TMEM165: variants seen among roughly 807,000 people sequenced by gnomAD.
The protein encoded by TMEM165 is putative divalent cation/proton antiporter TMEM165.
Under a neutral mutation model 30.0 loss-of-function variants are expected in TMEM165, and 19 were observed. The observed-to-expected ratio is 0.63, with a 90% CI of 0.44 to 0.93. The LOEUF (loss-of-function observed/expected upper bound fraction) is 0.93, where lower values mean the gene tolerates loss of function less well. Among genes scored for constraint, TMEM165 ranks in the 40% least tolerant of loss-of-function variants. The pLI is 0.00. For synonymous variants in TMEM165, 168 were observed against 162.9 expected, an observed-to-expected ratio of 1.03 and a Z score of -0.24; for missense variants, 340 against 417.0, an observed-to-expected ratio of 0.82 and a Z score of 1.61.
At chr4:55,439,283 AG>A (rs1269327646) in intron 3 of TMEM165, among the ~76,000 whole-genome samples, 1 of 152,224 alleles carries the variant, frequency 6.6e-6, no homozygotes, top group African/African-American at 2.4e-5. Context: ...ACTAATCATT[AG>A]GGAAATACAA....
downstream of TMEM165, chr4:55,430,917 C>CA (rs1205994102): frequency 6.6e-6 from 1 of 152,114 alleles, no homozygotes; most frequent in Non-Finnish European, 1.5e-5. Context: ...ACATTCAAAA[C>CA]AAAAATCAAA....
intron 3 of TMEM165, chr4:55,449,015 CTATA>C: frequency 1.5e-6 from 1 of 676,286 alleles, no homozygotes; most frequent in Non-Finnish European, 2.6e-6. Context: ...GTCTTCTCAT[CTATA>C]TTGGAAAGGC....
At chr4:55,399,566 CAT>C (rs1336320613) in intron 1 of TMEM165, among the ~76,000 whole-genome samples, 3 of 152,058 alleles carry the variant, frequency 2.0e-5, no homozygotes, top group Non-Finnish European at 4.4e-5. Context: ...AAGTTTTAGT[CAT>C]ATTGGAATTT....
At position 55,396,200 on chromosome 4, in the gene TMEM165, C is replaced by T. The variant is rs769461312; in HGVS notation, c.11C>T (p.Ala4Val). 2 of 1,425,910 alleles carry T rather than the reference C, an allele frequency of 1.4e-6. No individual in the cohort carries two copies. Among genetic ancestry groups the T allele is most frequent in the Non-Finnish European group, 9.1e-7 (1 of 1,094,884 alleles). The allele number at this position is 1,425,910 out of a possible 1,614,324, so 88.3% of individuals were successfully genotyped here. The change falls in exon 1 of 6, where the codon GCG becomes GTG. Residue 4 changes from alanine (A) to valine (V), a missense_variant. Physicochemically the swap from Ala to Val is moderately conservative, Grantham distance 64. Transcript: ENST00000381334. ...GGCCCGGCAGGCGGGATGGCGGCCG[C>T]GGCTCCAGGGAACGGCCGCGCATCG... MAA[A>V]APGNGRASAP...
At position 55,396,359 on chromosome 4, in the gene TMEM165, C is replaced by G; in HGVS notation, c.170C>G (p.Pro57Arg). ...PAPAQQLQPQ[P>R]VAVQGPEPAR... ...CCGGCCCAGCAGCTGCAGCCGCAGC[C>G]TGTGGCTGTGCAGGGCCCCGAGCCG... Residue 57 changes from proline to arginine, a missense_variant, in exon 1 of 6, where the codon CCT becomes CGT. Coordinates refer to ENST00000381334, the MANE Select transcript of TMEM165 (RefSeq NM_018475.5). The G allele has an allele frequency of 6.6e-7, 1 of 1,509,410 alleles. No homozygotes were observed. Among genetic ancestry groups the G allele is most frequent in the Non-Finnish European group, 8.8e-7 (1 of 1,134,096 alleles). 93.5% of individuals were successfully genotyped at this position (1,509,410 alleles called of 1,614,324 possible).
chr4:55,396,290 G>T lies in TMEM165; in HGVS notation c.101G>T (p.Gly34Val). Residue 34 changes from glycine (G) to valine (V), a missense_variant, in exon 1 of 6, where the codon GGC (glycine) becomes GTC (valine). Coordinates refer to ENST00000381334, the MANE Select transcript of TMEM165 (RefSeq NM_018475.5). Reference protein sequence around the residue: ...LLWAPAAVRAGPDEDLSHRNK... With the variant: ...LLWAPAAVRAVPDEDLSHRNK... ...TGGGCCCCGGCTGCGGTCCGGGCCGGCCCAGATGAAGACCTTAGCCACCGG... is the reference window on the plus strand; with the variant it reads ...TGGGCCCCGGCTGCGGTCCGGGCCGTCCCAGATGAAGACCTTAGCCACCGG... The T allele has an allele frequency of 6.5e-7, 1 of 1,530,026 alleles. No homozygotes were observed. The allele number at this position is 1,530,026 out of a possible 1,614,324, so 94.8% of individuals were successfully genotyped here.
intron 4 of TMEM165, 23 bp downstream of exon 4, chr4:55,418,008 CTG>C (rs753534301): frequency 7.6e-6 from 12 of 1,579,502 alleles, no homozygotes; most frequent in South Asian, 3.5e-5. Flanking sequence ...TGAGAGGAGA[CTG>C]TTTAAAATGA....
In TMEM165 at chr4:55,396,342, G is replaced by A; in HGVS notation, c.153G>A (p.Gln51=). Residue 51 remains glutamine (Q), a synonymous_variant, in exon 1 of 6, where the codon CAG becomes CAA. Coordinates refer to ENST00000381334, the MANE Select transcript of TMEM165 (RefSeq NM_018475.5). ...ACAAAGAACCGCCGGCGCCGGCCCA[G>A]CAGCTGCAGCCGCAGCCTGTGGCTG... ...HRNKEPPAPA[Q]QLQPQPVAVQ... 1.3e-6 allele frequency: 2 copies of A among 1,514,640 alleles called. No individual in the cohort carries two copies. Among genetic ancestry groups the A allele is most frequent in the East Asian group, 2.7e-5 (1 of 37,416 alleles). 93.8% of individuals were successfully genotyped at this position (1,514,640 alleles called of 1,614,324 possible).
intron 3 of TMEM165, chr4:55,435,619 C>T: frequency 6.2e-7 from 1 of 1,611,864 alleles, no homozygotes; most frequent in Non-Finnish European, 8.5e-7. Flanking sequence ...GATTATGCAG[C>T]ATTGCTTTAC....
At chr4:55,398,175 A>G (rs1345052698) in intron 1 of TMEM165, among the ~76,000 whole-genome samples, 1 of 152,258 alleles carries the variant, frequency 6.6e-6, no homozygotes, top group Non-Finnish European at 1.5e-5. Context: ...TGTAAGAATC[A>G]GTGCTGTCCC....
chr4:55,417,266 G>GA lies in TMEM165; in HGVS notation c.609+20dup. The GA allele has an allele frequency of 1.2e-6, 2 of 1,601,566 alleles. No homozygotes were observed. Among genetic ancestry groups the GA allele is most frequent in the Non-Finnish European group, 1.7e-6 (2 of 1,175,576 alleles). On this transcript the variant is annotated intron_variant, in intron 3 of 5. Transcript: ENST00000381334. The stretch of plus-strand genomic sequence containing the variant: ...TGAAGAAGTAAGCCATGGCACTGTT[G>GA]ATCTGGACCAAAAAGGCACTCAACT...
intron 1 of TMEM165, among the ~76,000 whole-genome samples, chr4:55,397,621 C>T (rs1720779687): frequency 6.6e-6 from 1 of 151,698 alleles, no homozygotes; most frequent in East Asian, 1.9e-4. Flanking sequence ...TTATCTGACC[C>T]TTTCCTTTCC....
chr4:55,438,871 TA>T (rs1479353083), intron 3 of TMEM165, among the ~76,000 whole-genome samples: 4 of 152,168 alleles, frequency 2.6e-5, no homozygotes, highest in African/African-American at 9.7e-5. Context: ...GCTAATGCTA[TA>T]AAACTCTTAG....
At chr4:55,433,875 T>C (rs1722682441) in intron 3 of TMEM165, 1 of 152,206 alleles carries the variant, frequency 6.6e-6, no homozygotes. Flanking sequence ...GCCAAATCCC[T>C]ACCCCTTCTT....
intron 4 of TMEM165, 128 bp from the exon 5 acceptor site, chr4:55,424,410 C>T (rs1377316233): frequency 8.1e-6 from 5 of 613,534 alleles, no homozygotes; most frequent in Non-Finnish European, 1.5e-5. Context: ...TTATTATACA[C>T]CTGCATTTTT....
chr4:55,435,351 A>G, intron 3 of TMEM165: 1 of 1,583,620 alleles, frequency 6.3e-7, no homozygotes, highest in Non-Finnish European at 8.7e-7. Flanking sequence ...TCCTCAGGTC[A>G]TCTGAGTAAC....
intron 4 of TMEM165, chr4:55,423,569 C>T (rs114850190): frequency 0.027 from 4,136 of 152,384 alleles, 83 homozygotes; most frequent in Non-Finnish European, 0.042. Flanking sequence ...ACCACTTGTG[C>T]TTGCTAGGAT....
intron 3 of TMEM165, chr4:55,449,339 TC>T: frequency 6.9e-7 from 1 of 1,439,866 alleles, no homozygotes; most frequent in Non-Finnish European, 9.8e-7. Flanking sequence ...AAGATTTAGA[TC>T]ATTTTTCCCC....
At chr4:55,427,404 G>A (rs561657281), downstream of TMEM165, among the ~76,000 whole-genome samples, 280 of 150,514 alleles carry the variant, frequency 1.9e-3, no homozygotes, top group Middle Eastern at 0.028. Context: ...ATGCAGTGGC[G>A]CAATCTCGGC....
Sources: gnomAD v4.1 joint callset for allele counts (sites outside exome capture counted in the v4.1 genomes callset) on GRCh38, gnomAD v4.1.1 for gene constraint, MANE v1.5 for transcripts, NCBI Gene and HGNC (gene_info 2026-07-23, HGNC 2026-07-21) for gene names.